SLC13A4: variants seen among roughly 807,000 people sequenced by gnomAD.
SLC13A4 encodes the protein Na(+)/sulfate cotransporter SUT-1.
A neutral mutation model predicts 72.7 loss-of-function variants in SLC13A4; 28 were observed. That is an observed-to-expected ratio of 0.39 (90% CI 0.29 to 0.53). The LOEUF is 0.53. Ranked by LOEUF, SLC13A4 falls within the 20% of genes least tolerant of loss-of-function variation. SLC13A4 has a pLI of 0.78. For missense variants in SLC13A4, 653 were observed against 788.0 expected (o/e 0.83, Z 2.05); for synonymous variants, 312 against 325.5 (o/e 0.96, Z 0.45).
Position 135,705,625 on chromosome 7 carries a change from A to G in SLC13A4, c.564T>C (p.Pro188=), listed in dbSNP as rs760649862. ...PISLDVKNSQ[P]SLELIFVNED... The stretch of plus-strand genomic sequence containing the variant: ...CATTGACAAAGATGAGTTCCAGAGA[A>G]GGTTGGCTGTTCTTTACATCCAGAC... Residue 188 remains proline (P), a synonymous_variant, in exon 5 of 16, where the codon CCT becomes CCC. Transcript: ENST00000682651. 1.2e-6 allele frequency: 2 copies of G among 1,614,006 alleles called. No individual in the cohort carries two copies. Among genetic ancestry groups the G allele is most frequent in the African/African-American group, 2.7e-5 (2 of 74,920 alleles).
At chr7:135,726,780 T>A (rs767036184) in intron 1 of SLC13A4, among the ~76,000 whole-genome samples, 2 of 152,240 alleles carry the variant, frequency 1.3e-5, no homozygotes, top group Non-Finnish European at 2.9e-5. Context: ...CACAAATAAT[T>A]CAAGGCCACG....
At chr7:135,690,286 C>T (rs1795751060) in intron 13 of SLC13A4, among the ~76,000 whole-genome samples, 1 of 149,154 alleles carries the variant, frequency 6.7e-6, no homozygotes, top group African/African-American at 2.5e-5. Context: ...CTAATTCATT[C>T]TTAAGATTGT....
intron 8 of SLC13A4, 129 bp from the exon 9 acceptor site, chr7:135,695,616 T>A: frequency 1.9e-6 from 2 of 1,060,976 alleles, no homozygotes; most frequent in Non-Finnish European, 2.7e-6. Context: ...AACGATATGG[T>A]AAAACGTTGC....
intron 8 of SLC13A4, among the ~76,000 whole-genome samples, chr7:135,696,363 T>A (rs1226937694): frequency 6.6e-6 from 1 of 152,154 alleles, no homozygotes; most frequent in Non-Finnish European, 1.5e-5. Context: ...TTTTATTTTT[T>A]TTTGAGACGG....
chr7:135,699,654 G>A, intron 7 of SLC13A4, 106 bp from the exon 8 acceptor site: 1 of 941,778 alleles, frequency 1.1e-6, no homozygotes, highest in South Asian at 2.4e-5. Context: ...TTGAGCTTGG[G>A]TGTCAGAAAG....
intron 8 of SLC13A4, among the ~76,000 whole-genome samples, chr7:135,697,027 T>C (rs979218822): frequency 1.3e-5 from 2 of 152,230 alleles, no homozygotes; most frequent in African/African-American, 4.8e-5. Flanking sequence ...ACCCTGTATA[T>C]TCTAGGTAAT....
At chr7:135,709,183 G>A (rs1035819235) in intron 2 of SLC13A4, among the ~76,000 whole-genome samples, 1 of 151,520 alleles carries the variant, frequency 6.6e-6, no homozygotes, top group African/African-American at 2.4e-5. Context: ...CTCCTACCTC[G>A]GCCTCCCAAA....
chr7:135,684,153 T>C lies in SLC13A4; in HGVS notation c.1717A>G (p.Ser573Gly). The change falls in exon 15 of 16, where the codon AGC becomes GGC. Residue 573 changes from serine to glycine, a missense_variant. Coordinates refer to ENST00000682651, the MANE Select transcript of SLC13A4 (RefSeq NM_001318192.2). ...VGNPPNAIVFSYGHCQIKDMV... is the reference protein window; with the variant it reads ...VGNPPNAIVFGYGHCQIKDMV... ...TCTTTGATCTGGCAGTGCCCATAGC[T>C]GAAGACGATGGCATTAGGGGGATTG... 4 of 1,612,414 alleles carry C rather than the reference T, an allele frequency of 2.5e-6. No homozygotes were observed. The highest frequency in any genetic ancestry group is 3.4e-6 in the Non-Finnish European group (4 of 1,179,066).
intron 1 of SLC13A4, 135 bp from the exon 2 acceptor site, chr7:135,721,658 C>A (rs895468312): frequency 3.7e-6 from 4 of 1,085,250 alleles, no homozygotes; most frequent in Admixed American, 2.3e-5. Flanking sequence ...GGACCGAAAC[C>A]GAACTGGCAG....
intron 2 of SLC13A4, among the ~76,000 whole-genome samples, chr7:135,710,580 G>T (rs889375846): frequency 6.6e-6 from 1 of 151,848 alleles, no homozygotes; most frequent in African/African-American, 2.4e-5. Context: ...GGTGGGACTT[G>T]GTAGGGGGGG....
intron 15 of SLC13A4, chr7:135,683,647 T>C (rs780126616): frequency 8.5e-5 from 84 of 985,322 alleles, no homozygotes; most frequent in Non-Finnish European, 9.8e-5. Flanking sequence ...TTTCCATTGT[T>C]GCTTCAGGGG....
chr7:135,695,238 G>A, intron 9 of SLC13A4, 130 bp downstream of exon 9: 1 of 1,242,642 alleles, frequency 8.0e-7, no homozygotes, highest in Non-Finnish European at 1.1e-6. Context: ...CCAGACCACT[G>A]CATTCTCCTT....
chr7:135,720,026 C>G (rs1796514113), intron 2 of SLC13A4, among the ~76,000 whole-genome samples: 1 of 151,534 alleles, frequency 6.6e-6, no homozygotes, highest in Admixed American at 6.6e-5. Flanking sequence ...AAAAACTAGT[C>G]AGTTAAATCT....
At chr7:135,681,812 G>C (rs1371947914) in intron 15 of SLC13A4, 112 bp from the exon 16 acceptor site, 2 of 1,449,920 alleles carry the variant, frequency 1.4e-6, no homozygotes, top group Non-Finnish European at 1.9e-6. Flanking sequence ...TTAGTTCCCA[G>C]TTGCTGCCTG....
chr7:135,717,771 A>G (rs926310289), intron 2 of SLC13A4, among the ~76,000 whole-genome samples: 9 of 152,136 alleles, frequency 5.9e-5, no homozygotes, highest in East Asian at 1.9e-4. Flanking sequence ...TGAGATTGGC[A>G]TTTGAATCAG....
intron 15 of SLC13A4, chr7:135,683,483 C>CGCTG: frequency 1.0e-6 from 1 of 984,016 alleles, no homozygotes; most frequent in South Asian, 4.7e-5. Flanking sequence ...ATCCTCTCCC[C>CGCTG]CCCCGCTCAG....
Position 135,705,581 on chromosome 7 carries a change from G to A in SLC13A4, c.593+15C>T. The A allele has an allele frequency of 6.2e-7, 1 of 1,613,256 alleles. No individual in the cohort carries two copies. The highest frequency in any genetic ancestry group is 8.5e-7 in the Non-Finnish European group (1 of 1,179,264). ...CTCTGAGAGGCGCTGTCTGGGAGAGGGCAGTCATACTCACTCTTCATTGAC... is the reference window on the plus strand; with the variant it reads ...CTCTGAGAGGCGCTGTCTGGGAGAGAGCAGTCATACTCACTCTTCATTGAC... On this transcript the variant is annotated intron_variant, in intron 5 of 15. Transcript: ENST00000682651.
At chr7:135,720,660 G>A (rs1261066704) in intron 2 of SLC13A4, among the ~76,000 whole-genome samples, 2 of 151,218 alleles carry the variant, frequency 1.3e-5, no homozygotes, top group African/African-American at 4.9e-5. Context: ...GAATGAGATC[G>A]TCATTCATTT....
At chr7:135,702,534 C>T in intron 6 of SLC13A4, 1 of 294,340 alleles carries the variant, frequency 3.4e-6, no homozygotes, top group Non-Finnish European at 6.5e-6. Context: ...CATCACCACT[C>T]CCAGCTAATT....
Sources: gnomAD v4.1 joint callset for allele counts (sites outside exome capture counted in the v4.1 genomes callset) on GRCh38, gnomAD v4.1.1 for gene constraint, MANE v1.5 for transcripts, NCBI Gene and HGNC (gene_info 2026-07-23, HGNC 2026-07-21) for gene names.